The following ALS2 variants were observed in gnomAD, a reference collection of about 807,000 sequenced individuals.
ALS2 encodes the protein alsin.
In ALS2, 117 loss-of-function variants were observed where a neutral mutation model predicts 203.4. The ratio of observed to expected loss-of-function variants is 0.58; its 90% CI spans 0.50 to 0.67. The LOEUF (loss-of-function observed/expected upper bound fraction) is 0.67, where lower values mean the gene tolerates loss of function less well. Among genes scored for constraint, ALS2 ranks in the 30% least tolerant of loss-of-function variants. ALS2 has a pLI of 0.00. For synonymous variants in ALS2, 718 were observed against 725.9 expected (o/e 0.99, Z 0.17); for missense variants, 1,715 against 1,989.4 (o/e 0.86, Z 2.62).
intron 33 of ALS2, among the ~76,000 whole-genome samples, chr2:201,703,354 T>C (rs761825441): frequency 2.0e-5 from 3 of 152,216 alleles, no homozygotes; most frequent in Non-Finnish European, 4.4e-5. Context: ...ATAATTCCTC[T>C]TTTCCATTTT....
chr2:201,747,692 G>A (rs1479761175), intron 8 of ALS2, among the ~76,000 whole-genome samples: 5 of 152,038 alleles, frequency 3.3e-5, no homozygotes, highest in South Asian at 2.1e-4. Flanking sequence ...CTCATGATTC[G>A]CCCGCCTCAG....
chr2:201,706,349 G>A (rs1279899598), intron 29 of ALS2, among the ~76,000 whole-genome samples: 1 of 150,172 alleles, frequency 6.7e-6, no homozygotes, highest in Admixed American at 6.6e-5. Flanking sequence ...TTGCACCATC[G>A]CACTCCTGCC....
chr2:201,729,815 A>G (rs1691435431), intron 13 of ALS2, among the ~76,000 whole-genome samples: 1 of 132,094 alleles, frequency 7.6e-6, no homozygotes, highest in African/African-American at 2.8e-5. Flanking sequence ...CGGGAGGCGG[A>G]GCTTGCAGTG....
chr2:201,757,753 A>C lies in ALS2; in HGVS notation c.1120T>G (p.Leu374Val). 6.2e-7 allele frequency: 1 copy of C among 1,605,738 alleles called. No individual in the cohort carries two copies. Among genetic ancestry groups the C allele is most frequent in the African/African-American group, 1.3e-5 (1 of 74,990 alleles). The stretch of plus-strand genomic sequence containing the variant: ...TGGAGATTAGGAATTGCTTCTTCTA[A>C]AAGAGGCTAAAATATACACACATAA... The part of the protein sequence containing the change: ...GEKPVPSQPL[L>V]EEAIPNLHSP... Residue 374 changes from leucine (L) to valine (V), a missense_variant, in exon 5 of 34, where the codon TTA becomes GTA. Physicochemically the swap from Leu to Val is conservative, Grantham distance 32. Transcript: ENST00000264276.
In ALS2 at chr2:201,700,615, T is replaced by C. The variant is rs1298509698; in HGVS notation, c.*1236A>G. On this transcript the variant is annotated 3_prime_UTR_variant, in exon 34 of 34. Coordinates refer to ENST00000264276, the MANE Select transcript of ALS2 (RefSeq NM_020919.4). ...CATTACAGCCAACATTCCAAAACAGTATTTTAATAAACACTTGTCTTGATT... is the reference window on the plus strand; with the variant it reads ...CATTACAGCCAACATTCCAAAACAGCATTTTAATAAACACTTGTCTTGATT... 1 of 152,656 alleles carries C rather than the reference T, an allele frequency of 6.6e-6. No individual in the cohort carries two copies. The highest frequency in any genetic ancestry group is 1.5e-5 in the Non-Finnish European group (1 of 68,050). 9.5% of individuals were successfully genotyped at this position (152,656 alleles called of 1,614,324 possible). A position where few individuals can be genotyped will look rare whatever the true frequency, so the allele number is the denominator to read the frequency against.
chr2:201,754,609 TG>T lies in ALS2; in HGVS notation c.1533del (p.Thr512HisfsTer13). 3 of 1,614,088 alleles carry T rather than the reference TG, an allele frequency of 1.9e-6. No individual in the cohort carries two copies. Among genetic ancestry groups the T allele is most frequent in the South Asian group, 2.2e-5 (2 of 91,086 alleles). ...AGCGCATCTGCTTCTCCACTGTATG[TG>T]GGGGTCAGAACCACTGTCCTCGTTT... ...RVKTRTVVLT[P>X]TYSGEADALL... is the part of the protein sequence containing the mutation. On this transcript the variant is annotated frameshift_variant, in exon 6 of 34. Coordinates refer to ENST00000264276, the MANE Select transcript of ALS2 (RefSeq NM_020919.4). LOFTEE classifies it high-confidence loss of function.
chr2:201,773,952 C>T (rs1164658103), intron 1 of ALS2, among the ~76,000 whole-genome samples: 1 of 152,172 alleles, frequency 6.6e-6, no homozygotes, highest in Non-Finnish European at 1.5e-5. Flanking sequence ...ACACAGGTAA[C>T]GGCTGAGCAT....
chr2:201,744,301 T>C lies in ALS2; in HGVS notation c.2127A>G (p.Leu709=), dbSNP rs1390437061. 1 of 1,614,052 alleles carries C rather than the reference T, an allele frequency of 6.2e-7. No individual in the cohort carries two copies. The highest frequency in any genetic ancestry group is 1.1e-5 in the South Asian group (1 of 91,078). The change falls in exon 10 of 34, where the codon CTA becomes CTG. Residue 709 remains leucine, a synonymous_variant. Transcript: ENST00000264276. ...ATTERRFYSK[L]SDIKSQILRP... is the part of the protein sequence containing the mutation. ...TGAGAATCTGAGATTTGATATCACT[T>C]AGTTTTGAATAGAATCGTCTTTCTG...
chr2:201,759,373 C>A, intron 4 of ALS2: 1 of 954,740 alleles, frequency 1.0e-6, no homozygotes, highest in Non-Finnish European at 1.2e-6. Context: ...TGCCCTAAAA[C>A]AAATAAATTC....
At chr2:201,762,453 A>G (rs1340510661) in intron 3 of ALS2, among the ~76,000 whole-genome samples, 1 of 152,198 alleles carries the variant, frequency 6.6e-6, no homozygotes, top group Non-Finnish European at 1.5e-5. Flanking sequence ...TCACTTATCC[A>G]AAATGCTTGG....
In ALS2 at chr2:201,726,533, G is replaced by A. The variant is rs781363244; in HGVS notation, c.3199C>T (p.Pro1067Ser). 6.2e-7 allele frequency: 1 copy of A among 1,613,842 alleles called. No individual in the cohort carries two copies. Among genetic ancestry groups the A allele is most frequent in the African/African-American group, 1.3e-5 (1 of 74,856 alleles). Residue 1067 changes from proline (P) to serine (S), a missense_variant, in exon 19 of 34, where the codon CCT becomes TCT. Physicochemically the swap from Pro to Ser is moderately conservative, Grantham distance 74. Around this residue, in one of 3 missense-constraint regions of ALS2, gnomAD observed 1,227 missense variants for 1,413.5 expected, o/e 0.87. Transcript: ENST00000264276. ...KPHGRGVLKW[P>S]DGKMYSGMFR... is the part of the protein sequence containing the mutation. ...ATGCCAGAATACATCTTTCCATCAG[G>A]CCACTTCAAAACCCCTCTGGAATGC...
chr2:201,709,572 A>G (rs183360411), intron 27 of ALS2, among the ~76,000 whole-genome samples: 4 of 152,376 alleles, frequency 2.6e-5, no homozygotes, highest in Admixed American at 2.0e-4. Flanking sequence ...GGTTTTAGAT[A>G]CATGATTTTG....
At chr2:201,724,167 C>A (rs534045875) in intron 21 of ALS2, 128 bp downstream of exon 21, 7 of 961,246 alleles carry the variant, frequency 7.3e-6, no homozygotes, top group Non-Finnish European at 1.1e-5. Context: ...TCATTTTTCA[C>A]CTACTCAAAC....
chr2:201,775,685 C>T (rs147168017), intron 1 of ALS2, among the ~76,000 whole-genome samples: 14 of 152,240 alleles, frequency 9.2e-5, no homozygotes, highest in Non-Finnish European at 8.8e-5. Context: ...TGGAACCCCA[C>T]GCCTCTCAGC....
chr2:201,741,411 T>C, intron 11 of ALS2: 1 of 399,844 alleles, frequency 2.5e-6, no homozygotes, highest in Non-Finnish European at 4.7e-6. Context: ...CTTATTATAG[T>C]ACATTTAATG....
chr2:201,757,841 C>G, intron 4 of ALS2, 82 bp from the exon 5 acceptor site: 1 of 1,084,162 alleles, frequency 9.2e-7, no homozygotes, highest in Non-Finnish European at 1.3e-6. Flanking sequence ...AGGCTAATAT[C>G]CATCGCTATT....
chr2:201,770,368 TTCTC>T (rs1008811226), intron 1 of ALS2, among the ~76,000 whole-genome samples: 7 of 152,218 alleles, frequency 4.6e-5, no homozygotes, highest in African/African-American at 1.7e-4. Flanking sequence ...TCAACCTTTA[TTCTC>T]TCTTAGTGCC....
intron 3 of ALS2, among the ~76,000 whole-genome samples, chr2:201,764,726 G>C (rs1157246922): frequency 6.6e-6 from 1 of 151,912 alleles, no homozygotes; most frequent in African/African-American, 2.4e-5. Context: ...ATGAGCTAAT[G>C]GTCATATTTA....
intron 1 of ALS2, among the ~76,000 whole-genome samples, chr2:201,773,270 C>T (rs1694493804): frequency 6.6e-6 from 1 of 152,192 alleles, no homozygotes; most frequent in South Asian, 2.1e-4. Context: ...ATCCTGCCTG[C>T]AAATACTCCA....
Sources: allele counts gnomAD v4.1 joint callset (sites outside exome capture counted in the v4.1 genomes callset), GRCh38; gene constraint gnomAD v4.1.1; regional missense constraint gnomAD v4.1.1; transcripts MANE v1.5; gene names NCBI Gene and HGNC (gene_info 2026-07-23, HGNC 2026-07-21).